Variants in ZNF608 observed in about 807,000 individuals in gnomAD.
ZNF608 encodes renal carcinoma antigen NY-REN-36.
Under a neutral mutation model 109.0 loss-of-function variants are expected in ZNF608, and 12 were observed. That is an observed-to-expected ratio of 0.11 (90% CI 0.07 to 0.18). ZNF608 has a LOEUF of 0.18. Among genes scored for constraint, ZNF608 ranks in the 10% least tolerant of loss-of-function variants. The probability of loss-of-function intolerance (pLI) is 1.00; values close to 1 mark genes in which losing one functional copy is unlikely to be tolerated. For missense variants in ZNF608, 1,707 were observed against 1,879.3 expected, an observed-to-expected ratio of 0.91 and a Z score of 1.70; for synonymous variants, 732 against 717.4, an observed-to-expected ratio of 1.02 and a Z score of -0.33.
chr5:124,741,349 C>A (rs992827044), intron 2 of ZNF608, among the ~76,000 whole-genome samples: 3 of 143,486 alleles, frequency 2.1e-5, no homozygotes, highest in Admixed American at 7.4e-5. Context: ...TGAAAATTAA[C>A]CGGTGACAGC....
intron 3 of ZNF608, among the ~76,000 whole-genome samples, chr5:124,699,296 C>A (rs937642155): frequency 1.3e-5 from 2 of 152,152 alleles, no homozygotes; most frequent in Non-Finnish European, 2.9e-5. Flanking sequence ...GAAGCTTGCT[C>A]CCCACATGGG....
intron 3 of ZNF608, among the ~76,000 whole-genome samples, chr5:124,668,080 G>T (rs1472366484): frequency 2.6e-5 from 4 of 151,632 alleles, no homozygotes. Flanking sequence ...GGCCAGGCAT[G>T]GTGGCTCATG....
chr5:124,685,367 T>C (rs1752366525), intron 3 of ZNF608, among the ~76,000 whole-genome samples: 1 of 152,112 alleles, frequency 6.6e-6, no homozygotes, highest in African/African-American at 2.4e-5. Flanking sequence ...CCATAGCAAG[T>C]TGTAGTGCCA....
chr5:124,659,768 C>A (rs1054548906), intron 3 of ZNF608, among the ~76,000 whole-genome samples: 4 of 152,150 alleles, frequency 2.6e-5, no homozygotes, highest in Non-Finnish European at 5.9e-5. Flanking sequence ...TAATTTCTTA[C>A]CATCCCCAGT....
At chr5:124,738,018 G>T (rs1749225083) in intron 2 of ZNF608, among the ~76,000 whole-genome samples, 1 of 152,094 alleles carries the variant, frequency 6.6e-6, no homozygotes, top group Admixed American at 6.5e-5. Context: ...AACCAACAGT[G>T]AACATTTTTT....
chr5:124,730,396 C>A (rs774178703), intron 2 of ZNF608, among the ~76,000 whole-genome samples: 2 of 152,174 alleles, frequency 1.3e-5, no homozygotes, highest in African/African-American at 2.4e-5. Context: ...GTCATCCAAT[C>A]ACCAGTATAT....
chr5:124,664,055 A>G (rs1313956771), intron 3 of ZNF608, among the ~76,000 whole-genome samples: 2 of 152,250 alleles, frequency 1.3e-5, no homozygotes, highest in Non-Finnish European at 2.9e-5. Context: ...CATTAAGCTC[A>G]TAACTACGAT....
At chr5:124,671,419 C>T (rs890319128) in intron 3 of ZNF608, among the ~76,000 whole-genome samples, 29 of 152,132 alleles carry the variant, frequency 1.9e-4, no homozygotes, top group East Asian at 1.9e-4. Flanking sequence ...ACCACAAAAA[C>T]AAATCCCATT....
chr5:124,718,131 A>T (rs902226166), intron 2 of ZNF608, among the ~76,000 whole-genome samples: 1 of 152,182 alleles, frequency 6.6e-6, no homozygotes, highest in Non-Finnish European at 1.5e-5. Context: ...GCATGGCACC[A>T]GATGCCATGG....
chr5:124,670,028 G>A (rs1231177599), intron 3 of ZNF608, among the ~76,000 whole-genome samples: 1 of 152,182 alleles, frequency 6.6e-6, no homozygotes, highest in African/African-American at 2.4e-5. Flanking sequence ...AGTCACTAAG[G>A]AGCCTGGAAC....
At chr5:124,676,675 C>T (rs1751958595) in intron 3 of ZNF608, among the ~76,000 whole-genome samples, 2 of 152,106 alleles carry the variant, frequency 1.3e-5, no homozygotes, top group Non-Finnish European at 2.9e-5. Context: ...AAAGAACTGG[C>T]CACAACCCAA....
At chr5:124,665,274 G>A (rs554870276) in intron 3 of ZNF608, among the ~76,000 whole-genome samples, 100 of 152,028 alleles carry the variant, frequency 6.6e-4, no homozygotes, top group Middle Eastern at 3.5e-3. Context: ...AACAGCAAAT[G>A]TTACAAATCA....
intron 2 of ZNF608, among the ~76,000 whole-genome samples, chr5:124,738,759 A>G (rs1023346170): frequency 1.7e-4 from 26 of 152,142 alleles, no homozygotes; most frequent in African/African-American, 6.3e-4. Flanking sequence ...CTCTGTACCC[A>G]CTTTTCACTT....
upstream of ZNF608, chr5:124,748,708 A>T (rs553982599): frequency 3.1e-4 from 139 of 442,000 alleles, no homozygotes; most frequent in Non-Finnish European, 4.1e-4. Flanking sequence ...ATTAAAATTT[A>T]AAAAAAGCAA....
intron 3 of ZNF608, among the ~76,000 whole-genome samples, chr5:124,659,375 G>A (rs1483913104): frequency 6.6e-6 from 1 of 152,156 alleles, no homozygotes. Context: ...GTCATTAACA[G>A]CTATCTGCCA....
intron 2 of ZNF608, among the ~76,000 whole-genome samples, chr5:124,736,733 A>C (rs1336047899): frequency 6.6e-6 from 1 of 152,238 alleles, no homozygotes; most frequent in Non-Finnish European, 1.5e-5. Context: ...TTTTCCTAAG[A>C]AACTAAACCA....
chr5:124,733,217 CTTTTTTTT>C (rs67421322), intron 2 of ZNF608, among the ~76,000 whole-genome samples: 10 of 117,584 alleles, frequency 8.5e-5, no homozygotes, highest in Admixed American at 9.0e-5. Context: ...ATCTCTCTCT[CTTTTTTTT>C]TTTTTTTTTT....
At chr5:124,651,487 CT>C (rs1299307808) in intron 3 of ZNF608, among the ~76,000 whole-genome samples, 3 of 152,220 alleles carry the variant, frequency 2.0e-5, no homozygotes, top group African/African-American at 7.2e-5. Context: ...CAGAAGGTTA[CT>C]GCATTTTAGC....
chr5:124,747,023 G>A (rs1182790988), upstream of ZNF608, among the ~76,000 whole-genome samples: 1 of 152,050 alleles, frequency 6.6e-6, no homozygotes, highest in African/African-American at 2.4e-5. Flanking sequence ...CCTAAAGGAT[G>A]TGATGTTTTC....
Sources: gnomAD v4.1 joint callset for allele counts (sites outside exome capture counted in the v4.1 genomes callset) on GRCh38, gnomAD v4.1.1 for gene constraint, MANE v1.5 for transcripts, NCBI Gene and HGNC (gene_info 2026-07-23, HGNC 2026-07-21) for gene names.